RBFOX1: variants seen among roughly 807,000 people sequenced by gnomAD.
RBFOX1 encodes RNA binding protein fox-1 homolog 1.
A neutral mutation model predicts 57.7 loss-of-function variants in RBFOX1; 8 were observed. The observed-to-expected ratio is 0.14, with a 90% CI of 0.08 to 0.25. The LOEUF (loss-of-function observed/expected upper bound fraction) is 0.25, where lower values mean the gene tolerates loss of function less well. Ranked by LOEUF, RBFOX1 falls within the 10% of genes least tolerant of loss-of-function variation. The pLI is 1.00. For synonymous variants in RBFOX1, 326 were observed against 222.4 expected (o/e 1.47, Z -4.15); for missense variants, 611 against 548.5 (o/e 1.11, Z -1.14).
At chr16:5,472,610 G>C (rs954655765) in intron 2 of RBFOX1, among the ~76,000 whole-genome samples, 3 of 152,116 alleles carry the variant, frequency 2.0e-5, no homozygotes, top group African/African-American at 7.2e-5. Flanking sequence ...TTATTTCTTA[G>C]AGTGATTTCT....
At chr16:6,147,266 A>T (rs1353937478) in intron 1 of RBFOX1, among the ~76,000 whole-genome samples, 1 of 152,062 alleles carries the variant, frequency 6.6e-6, no homozygotes, top group African/African-American at 2.4e-5. Flanking sequence ...GATGGTGGTG[A>T]TTGTTTTTCA....
intron 5 of RBFOX1, among the ~76,000 whole-genome samples, chr16:7,524,918 T>TATC (rs1397216620): frequency 6.6e-6 from 1 of 152,186 alleles, no homozygotes; most frequent in African/African-American, 2.4e-5. Context: ...CTATTATTAT[T>TATC]ATCATCATCA....
intron 4 of RBFOX1, among the ~76,000 whole-genome samples, chr16:5,965,012 C>T (rs909079843): frequency 6.6e-6 from 1 of 151,996 alleles, no homozygotes; most frequent in Non-Finnish European, 1.5e-5. Flanking sequence ...GGACATTATG[C>T]TAGGTGAAGT....
At chr16:7,696,727 C>G (rs1169753508) in intron 14 of RBFOX1, among the ~76,000 whole-genome samples, 5 of 152,030 alleles carry the variant, frequency 3.3e-5, no homozygotes, top group Non-Finnish European at 5.9e-5. Context: ...AAGTTATGTA[C>G]TTACTGTAAT....
intron 4 of RBFOX1, among the ~76,000 whole-genome samples, chr16:7,118,913 G>C (rs780558487): frequency 6.6e-6 from 1 of 152,172 alleles, no homozygotes; most frequent in African/African-American, 2.4e-5. Flanking sequence ...TTCTGGTTAT[G>C]ATATGATTTT....
At chr16:7,624,223 T>G (rs527863248) in intron 10 of RBFOX1, among the ~76,000 whole-genome samples, 6 of 152,350 alleles carry the variant, frequency 3.9e-5, no homozygotes, top group Non-Finnish European at 8.8e-5. Flanking sequence ...GCTTTTTCTT[T>G]ATGTAGAATC....
At chr16:6,166,320 C>G (rs1237837566) in intron 1 of RBFOX1, among the ~76,000 whole-genome samples, 2 of 149,364 alleles carry the variant, frequency 1.3e-5, no homozygotes, top group East Asian at 2.1e-4. Flanking sequence ...CAAGCTCGCA[C>G]ACATCATTCA....
intron 1 of RBFOX1, among the ~76,000 whole-genome samples, chr16:5,377,937 G>C (rs1345127755): frequency 6.6e-6 from 1 of 151,622 alleles, no homozygotes; most frequent in East Asian, 1.9e-4. Context: ...CCACTAATGG[G>C]AGCCTATTCA....
intron 1 of RBFOX1, among the ~76,000 whole-genome samples, chr16:6,102,564 C>T (rs2096326361): frequency 6.6e-6 from 1 of 150,878 alleles, no homozygotes. Context: ...TCTCTCTCTC[C>T]ACCCTCCCAC....
intron 13 of RBFOX1, among the ~76,000 whole-genome samples, chr16:7,674,676 G>T (rs1489992353): frequency 6.6e-6 from 1 of 152,218 alleles, no homozygotes; most frequent in Admixed American, 6.5e-5. Flanking sequence ...CAGAGTAGAG[G>T]TCATTTTGAG....
chr16:7,579,167 G>C (rs915839303), intron 5 of RBFOX1, among the ~76,000 whole-genome samples: 1 of 152,186 alleles, frequency 6.6e-6, no homozygotes, highest in South Asian at 2.1e-4. Context: ...GTCAACTGTA[G>C]TGGACAGCAA....
chr16:5,706,311 G>A (rs1339583368), intron 3 of RBFOX1, among the ~76,000 whole-genome samples: 2 of 152,206 alleles, frequency 1.3e-5, no homozygotes, highest in Non-Finnish European at 2.9e-5. Flanking sequence ...GTTTCCTGAT[G>A]TAGCATGTCT....
intron 4 of RBFOX1, among the ~76,000 whole-genome samples, chr16:5,921,347 G>A (rs2058817030): frequency 6.6e-6 from 1 of 152,184 alleles, no homozygotes; most frequent in Non-Finnish European, 1.5e-5. Flanking sequence ...TGGAGGGATA[G>A]CAATTTTTGT....
Position 7,545,931 on chromosome 16 carries a change from T to G in RBFOX1, c.270+27542T>G, listed in dbSNP as rs560446758. 6.0e-5 allele frequency among the ~76,000 whole-genome samples: 9 copies of G among 149,606 alleles called. No homozygotes were observed. The East Asian group carries it at 1.8e-3, about 29-fold the overall frequency. The stretch of plus-strand genomic sequence containing the variant: ...ACTGTTTTGAGAGTCACGTGCAAAA[T>G]CAGATGTGAGCATGCCTTAGAAATT... On this transcript the variant is annotated intron_variant, in intron 5 of 15. Transcript: ENST00000550418.
intron 3 of RBFOX1, among the ~76,000 whole-genome samples, chr16:6,729,910 C>G (rs376228880): frequency 1.3e-5 from 2 of 152,032 alleles, no homozygotes; most frequent in African/African-American, 4.8e-5. Context: ...ACATGTAAAA[C>G]TTGTACAGGA....
chr16:7,210,180 A>T (rs1198312710), intron 4 of RBFOX1, among the ~76,000 whole-genome samples: 3 of 152,210 alleles, frequency 2.0e-5, no homozygotes, highest in Admixed American at 1.3e-4. Flanking sequence ...ATCAGTCAAG[A>T]TCCCACACAA....
At chr16:6,122,763 C>T (rs1320727350) in intron 1 of RBFOX1, among the ~76,000 whole-genome samples, 1 of 150,754 alleles carries the variant, frequency 6.6e-6, no homozygotes, top group African/African-American at 2.4e-5. Flanking sequence ...ATCCATTCTG[C>T]TGGGTTGCGG....
At chr16:5,903,844 G>A (rs919553539) in intron 4 of RBFOX1, among the ~76,000 whole-genome samples, 5 of 152,174 alleles carry the variant, frequency 3.3e-5, no homozygotes, top group African/African-American at 9.7e-5. Flanking sequence ...AGGGACCATA[G>A]GAAAGCAGAT....
At chr16:6,731,990 G>A (rs930790341) in intron 3 of RBFOX1, among the ~76,000 whole-genome samples, 13 of 152,102 alleles carry the variant, frequency 8.5e-5, no homozygotes, top group Admixed American at 2.0e-4. Context: ...GAATCAAAAG[G>A]GAAGATTTTT....
Sources: allele counts gnomAD v4.1 joint callset (sites outside exome capture counted in the v4.1 genomes callset), GRCh38; gene constraint gnomAD v4.1.1; transcripts MANE v1.5; gene names NCBI Gene and HGNC (gene_info 2026-07-23, HGNC 2026-07-21).